The following CSNK1G3 variants were observed in gnomAD, a reference collection of about 807,000 sequenced individuals.
The protein encoded by CSNK1G3 is casein kinase I isoform gamma-3.
Under a neutral mutation model 64.3 loss-of-function variants are expected in CSNK1G3, and 23 were observed. The observed-to-expected ratio is 0.36, with a 90% CI of 0.26 to 0.51. The LOEUF (loss-of-function observed/expected upper bound fraction) is 0.51. CSNK1G3 is among the 20% of genes least tolerant of loss of function. The pLI, the probability that CSNK1G3 is intolerant of heterozygous loss-of-function variation, is 0.96. For missense variants in CSNK1G3, 357 were observed against 510.5 expected, an observed-to-expected ratio of 0.70 and a Z score of 2.90; for synonymous variants, 158 against 162.2, an observed-to-expected ratio of 0.97 and a Z score of 0.20.
chr5:123,533,165 G>A (rs973912959), intron 1 of CSNK1G3, among the ~76,000 whole-genome samples: 4 of 151,564 alleles, frequency 2.6e-5, no homozygotes, highest in African/African-American at 9.7e-5. Context: ...TAAATTTTTA[G>A]GTTATCTCTT....
intron 1 of CSNK1G3, among the ~76,000 whole-genome samples, chr5:123,543,529 C>A (rs1468065586): frequency 2.0e-5 from 3 of 152,086 alleles, no homozygotes; most frequent in Admixed American, 1.3e-4. Context: ...CTGCAAAACT[C>A]CTTCATTTTT....
In CSNK1G3 at chr5:123,592,515, T is replaced by G. The variant is rs187655394; in HGVS notation, c.1086+1101T>G. Among the ~76,000 whole-genome samples, 21 of 152,152 alleles carry G rather than the reference T, an allele frequency of 1.4e-4. 1 individual carries two copies. The highest frequency in any genetic ancestry group is 5.1e-4 in the African/African-American group (21 of 41,538). On this transcript the variant is annotated intron_variant, in intron 10 of 12. Transcript: ENST00000345990. Reference sequence around the variant, plus strand: ...CGAAGACATCTTTGACTTAAAAATTTCACTATCACACTGAGTTAAGGAGTG... The same window carrying G: ...CGAAGACATCTTTGACTTAAAAATTGCACTATCACACTGAGTTAAGGAGTG...
rs1345683088 is a variant in CSNK1G3, at chr5:123,512,471, G to GGTGTGATGTGCCGCCGCCGC, written c.-346_-327dup. 3 of 152,012 alleles carry GGTGTGATGTGCCGCCGCCGC rather than the reference G, an allele frequency of 2.0e-5. No homozygotes were observed. The highest frequency in any genetic ancestry group is 7.3e-5 in the African/African-American group (3 of 41,336). 9.4% of individuals were successfully genotyped at this position (152,012 alleles called of 1,614,324 possible). On this transcript the variant is annotated 5_prime_UTR_variant, in exon 1 of 13. It adds an upstream start codon to the 5' untranslated region. Coordinates refer to ENST00000345990, the Ensembl canonical transcript of CSNK1G3. ...CGCTTTCCTCCTCCGGCCGCCGGCG[G>GGTGTGATGTGCCGCCGCCGC]GTGTGATGTGCCGCCGCCGCTGCCC...
At chr5:123,573,651 G>C (rs7712330) in intron 5 of CSNK1G3, 110 bp downstream of exon 5, 498,775 of 906,184 alleles carry the variant, frequency 0.55, 140,995 homozygotes, top group African/African-American at 0.79. Context: ...AGCGTTTGAC[G>C]TAATACAAAT....
At chr5:123,545,813 A>T (rs748789328) in exon 2 of CSNK1G3, 2 of 1,613,416 alleles carry the variant, frequency 1.2e-6, no homozygotes, top group African/African-American at 2.7e-5. Flanking sequence ...AAAAAATTGG[A>T]TGTGGCAATT....
At chr5:123,584,311 T>C (rs1312472468) in intron 6 of CSNK1G3, among the ~76,000 whole-genome samples, 3 of 152,070 alleles carry the variant, frequency 2.0e-5, no homozygotes, top group Non-Finnish European at 4.4e-5. Context: ...GTAGTTGTTG[T>C]CAGGATGAAG....
intron 10 of CSNK1G3, among the ~76,000 whole-genome samples, chr5:123,592,845 A>G (rs1792644699): frequency 6.6e-6 from 1 of 151,924 alleles, no homozygotes; most frequent in South Asian, 2.1e-4. Context: ...TACTTCATAT[A>G]TAAATTAAAA....
chr5:123,591,348 T>A, exon 10 of CSNK1G3: 2 of 1,610,212 alleles, frequency 1.2e-6, no homozygotes, highest in Non-Finnish European at 1.7e-6. Context: ...TTCAGCAAGA[T>A]CCTGCTCTGT....
chr5:123,520,056 C>G (rs1580847273), intron 1 of CSNK1G3, among the ~76,000 whole-genome samples: 1 of 152,046 alleles, frequency 6.6e-6, no homozygotes, highest in Admixed American at 6.6e-5. Context: ...TTTCAGCTTG[C>G]CTCAAGCAGT....
intron 1 of CSNK1G3, among the ~76,000 whole-genome samples, chr5:123,517,550 A>G (rs1274302448): frequency 6.6e-6 from 1 of 152,154 alleles, no homozygotes; most frequent in African/African-American, 2.4e-5. Context: ...ACACCTAACG[A>G]TCTAAAAAAA....
At chr5:123,584,580 T>C (rs992156280) in intron 6 of CSNK1G3, among the ~76,000 whole-genome samples, 1 of 152,186 alleles carries the variant, frequency 6.6e-6, no homozygotes, top group Non-Finnish European at 1.5e-5. Flanking sequence ...TAGTTTCCTT[T>C]AATTGTAATG....
intron 1 of CSNK1G3, among the ~76,000 whole-genome samples, chr5:123,533,788 G>A (rs1780352303): frequency 6.6e-6 from 1 of 151,450 alleles, no homozygotes; most frequent in Non-Finnish European, 1.5e-5. Context: ...TTCTTCATAT[G>A]ATCTGCTTCC....
intron 1 of CSNK1G3, among the ~76,000 whole-genome samples, chr5:123,518,600 A>G (rs1189595894): frequency 6.6e-6 from 1 of 152,200 alleles, no homozygotes; most frequent in Non-Finnish European, 1.5e-5. Flanking sequence ...TAAGCCTACC[A>G]ACATATTTTT....
chr5:123,548,141 A>T (rs1019430486), intron 2 of CSNK1G3, among the ~76,000 whole-genome samples: 1 of 152,112 alleles, frequency 6.6e-6, no homozygotes, highest in Non-Finnish European at 1.5e-5. Context: ...ATACTGTCCC[A>T]GACATTGCAG....
intron 4 of CSNK1G3, among the ~76,000 whole-genome samples, chr5:123,571,826 T>A (rs767595097): frequency 6.6e-6 from 1 of 152,240 alleles, no homozygotes; most frequent in Non-Finnish European, 1.5e-5. Context: ...GTTCATTTTT[T>A]CATGCTAATA....
At chr5:123,616,877 G>T (rs1398465028) in exon 13 of CSNK1G3, 1 of 152,130 alleles carries the variant, frequency 6.6e-6, no homozygotes, top group Admixed American at 6.5e-5. Flanking sequence ...TATATGAGAA[G>T]CAGAGCTAAA....
intron 6 of CSNK1G3, among the ~76,000 whole-genome samples, chr5:123,585,172 C>T (rs186773537): frequency 4.6e-5 from 7 of 151,662 alleles, no homozygotes; most frequent in South Asian, 2.1e-4. Context: ...CATAGATGGC[C>T]GATTGATTTT....
intron 1 of CSNK1G3, among the ~76,000 whole-genome samples, chr5:123,534,466 T>C (rs1780472491): frequency 6.6e-6 from 1 of 152,112 alleles, no homozygotes; most frequent in South Asian, 2.1e-4. Flanking sequence ...CTACCTTATA[T>C]AATACTCAGT....
intron 12 of CSNK1G3, among the ~76,000 whole-genome samples, chr5:123,613,628 T>G (rs1748923121): frequency 6.6e-6 from 1 of 152,144 alleles, no homozygotes; most frequent in South Asian, 2.1e-4. Flanking sequence ...TGCCTCGGCC[T>G]CTCAAAGTGC....
Sources: gnomAD v4.1 joint callset for allele counts (sites outside exome capture counted in the v4.1 genomes callset) on GRCh38, gnomAD v4.1.1 for gene constraint, MANE v1.5 for transcripts, NCBI Gene and HGNC (gene_info 2026-07-23, HGNC 2026-07-21) for gene names.